JARID2: variants seen among roughly 807,000 people sequenced by gnomAD.
JARID2 encodes jumonji and AT-rich interaction domain containing 2.
Under a neutral mutation model 125.6 loss-of-function variants are expected in JARID2, and 21 were observed. The observed-to-expected ratio is 0.17, with a 90% confidence interval of 0.12 to 0.24. JARID2 has a LOEUF of 0.24. JARID2 is among the 10% of genes least tolerant of loss of function. The probability of loss-of-function intolerance (pLI) is 1.00; values close to 1 mark genes in which losing one functional copy is unlikely to be tolerated. For missense variants in JARID2, 1,303 were observed against 1,639.6 expected (o/e 0.79, Z 3.55); for synonymous variants, 736 against 661.6 (o/e 1.11, Z -1.73).
At chr6:15,493,262 A>G (rs1254515422) in intron 6 of JARID2, among the ~76,000 whole-genome samples, 1 of 152,170 alleles carries the variant, frequency 6.6e-6, no homozygotes, top group African/African-American at 2.4e-5. Flanking sequence ...AGGCTTTTAA[A>G]CACTGATTCC....
At chr6:15,320,267 A>G (rs1762308209) in intron 1 of JARID2, among the ~76,000 whole-genome samples, 1 of 152,230 alleles carries the variant, frequency 6.6e-6, no homozygotes, top group Admixed American at 6.5e-5. Flanking sequence ...TTCAGTTAAG[A>G]CACAGGTAAG....
chr6:15,322,729 G>C (rs983092727), intron 1 of JARID2, among the ~76,000 whole-genome samples: 3 of 152,216 alleles, frequency 2.0e-5, no homozygotes, highest in African/African-American at 7.2e-5. Context: ...GGAGCCAGCA[G>C]CTCATTTTGG....
intron 1 of JARID2, among the ~76,000 whole-genome samples, chr6:15,365,868 G>GT (rs1354238380): frequency 3.3e-5 from 5 of 151,756 alleles, no homozygotes; most frequent in Non-Finnish European, 7.4e-5. Context: ...CTTATTTCCA[G>GT]TTGTGAATGT....
At position 15,467,268 on chromosome 6, in the gene JARID2, C is replaced by A. The variant is rs1768785087; in HGVS notation, c.494-1274C>A. Among the ~76,000 whole-genome samples the A allele has an allele frequency of 2.0e-5, 3 of 152,104 alleles. No homozygotes were observed. The South Asian group carries it at 6.2e-4, about 32-fold the overall frequency. On this transcript the variant is annotated intron_variant, in intron 4 of 17. Coordinates refer to ENST00000341776, the MANE Select transcript of JARID2 (RefSeq NM_004973.4). ...AAATGGTTTTAACTGTGTGTTTAAA[C>A]CTTGAGATCTTTGAGATCTCTATTT...
At chr6:15,268,906 G>A (rs765871691) in intron 1 of JARID2, among the ~76,000 whole-genome samples, 6 of 152,202 alleles carry the variant, frequency 3.9e-5, no homozygotes, top group Admixed American at 2.0e-4. Flanking sequence ...TTAAAGTCAA[G>A]GAAGTTCGGG....
chr6:15,280,099 T>A (rs143219482), intron 1 of JARID2, among the ~76,000 whole-genome samples: 174 of 152,284 alleles, frequency 1.1e-3, no homozygotes, highest in African/African-American at 3.9e-3. Context: ...CTTTCTTCTG[T>A]CAAATCCGTG....
chr6:15,250,339 A>C (rs1759395020), intron 1 of JARID2, among the ~76,000 whole-genome samples: 1 of 152,210 alleles, frequency 6.6e-6, no homozygotes, highest in African/African-American at 2.4e-5. Context: ...TTGTTTTAAA[A>C]CTTATTCATC....
intron 9 of JARID2, chr6:15,505,371 T>G (rs1770953782): frequency 6.9e-6 from 1 of 144,194 alleles, no homozygotes. Context: ...TTTTTCCCCT[T>G]AATGCCACCT....
intron 1 of JARID2, among the ~76,000 whole-genome samples, chr6:15,320,412 T>A (rs1319055818): frequency 2.6e-5 from 4 of 152,226 alleles, no homozygotes; most frequent in Non-Finnish European, 5.9e-5. Flanking sequence ...AAAATATATT[T>A]AAGAAACTCA....
chr6:15,306,460 G>T (rs756541861), intron 1 of JARID2, among the ~76,000 whole-genome samples: 2 of 147,944 alleles, frequency 1.4e-5, no homozygotes, highest in East Asian at 2.1e-4. Flanking sequence ...TCAGCCTCCC[G>T]AGTAGCTGGG....
intron 7 of JARID2, among the ~76,000 whole-genome samples, chr6:15,497,884 C>T (rs1218746496): frequency 6.6e-6 from 1 of 152,170 alleles, no homozygotes. Flanking sequence ...ACAAGACCTC[C>T]CTCCTTGGCT....
Position 15,496,635 on chromosome 6 carries a change from T to C in JARID2, c.1410T>C (p.Pro470=), listed in dbSNP as rs1156964883. 5 of 1,610,242 alleles carry C rather than the reference T, an allele frequency of 3.1e-6. No individual in the cohort carries two copies. The highest frequency in any genetic ancestry group is 2.7e-5 in the African/African-American group (2 of 74,838). ...GGGCGGCTGGCCCCGCCGAAGGCCCTGGCAAGAAGGCCCCGGCCGAGAGAG... is the reference window on the plus strand; with the variant it reads ...GGGCGGCTGGCCCCGCCGAAGGCCCCGGCAAGAAGGCCCCGGCCGAGAGAG... ...MKGAAGPAEG[P]GKKAPAERGL... is the part of the protein sequence containing the mutation. Residue 470 remains proline, a synonymous_variant, in exon 7 of 18, where the codon CCT becomes CCC. Transcript: ENST00000341776.
At chr6:15,272,312 A>G (rs1283526736) in intron 1 of JARID2, among the ~76,000 whole-genome samples, 1 of 152,200 alleles carries the variant, frequency 6.6e-6, no homozygotes, top group African/African-American at 2.4e-5. Context: ...GCATAGTGTT[A>G]TCATGTACTT....
chr6:15,278,686 TG>T (rs1156811458), intron 1 of JARID2, among the ~76,000 whole-genome samples: 1 of 152,174 alleles, frequency 6.6e-6, no homozygotes, highest in Non-Finnish European at 1.5e-5. Flanking sequence ...AGGAAGGGTC[TG>T]GGGGGACATG....
At chr6:15,331,691 C>T (rs1056290456) in intron 1 of JARID2, among the ~76,000 whole-genome samples, 12 of 152,100 alleles carry the variant, frequency 7.9e-5, no homozygotes, top group South Asian at 2.1e-4. Flanking sequence ...CATGGAGAAA[C>T]CCCGACTCTA....
chr6:15,464,566 C>T (rs1226237582), intron 4 of JARID2, among the ~76,000 whole-genome samples: 1 of 152,114 alleles, frequency 6.6e-6, no homozygotes, highest in Non-Finnish European at 1.5e-5. Flanking sequence ...ACAGTGTTGT[C>T]CTTGTGGGGT....
At chr6:15,475,395 CA>C (rs1178516490) in intron 5 of JARID2, among the ~76,000 whole-genome samples, 1 of 152,228 alleles carries the variant, frequency 6.6e-6, no homozygotes, top group Non-Finnish European at 1.5e-5. Flanking sequence ...GAACTGCAGA[CA>C]GAGGAAAGAG....
intron 7 of JARID2, among the ~76,000 whole-genome samples, chr6:15,498,680 C>T (rs1310767438): frequency 4.6e-5 from 7 of 152,256 alleles, no homozygotes; most frequent in African/African-American, 1.7e-4. Flanking sequence ...TTCGTGGTTC[C>T]CCTCAGCAGG....
intron 3 of JARID2, among the ~76,000 whole-genome samples, chr6:15,417,677 G>A (rs1270173991): frequency 6.6e-6 from 1 of 152,176 alleles, no homozygotes; most frequent in South Asian, 2.1e-4. Flanking sequence ...GGGAGATGGA[G>A]GTTGCAGTTA....
Sources: allele counts gnomAD v4.1 joint callset (sites outside exome capture counted in the v4.1 genomes callset), GRCh38; gene constraint gnomAD v4.1.1; transcripts MANE v1.5; gene names NCBI Gene and HGNC (gene_info 2026-07-23, HGNC 2026-07-21).